EPB41L4B: variants seen among roughly 807,000 people sequenced by gnomAD.
The protein encoded by EPB41L4B is band 4.1-like protein 4B.
EPB41L4B carries 30 observed loss-of-function variants against 112.5 expected under a neutral mutation model. The ratio of observed to expected loss-of-function variants is 0.27; its 90% CI spans 0.20 to 0.36. The LOEUF is 0.36. Ranked by LOEUF, EPB41L4B falls within the 10% of genes least tolerant of loss-of-function variation. The pLI is 1.00. For synonymous variants in EPB41L4B, 408 were observed against 439.7 expected, an observed-to-expected ratio of 0.93 and a Z score of 0.90; for missense variants, 1,024 against 1,133.3, an observed-to-expected ratio of 0.90 and a Z score of 1.38.
chr9:109,246,537 A>G (rs1834565497), intron 14 of EPB41L4B, among the ~76,000 whole-genome samples: 1 of 152,230 alleles, frequency 6.6e-6, no homozygotes, highest in African/African-American at 2.4e-5. Context: ...ACGGGCAAAG[A>G]ATGGTGGGAA....
chr9:109,226,767 T>A (rs1001510002), intron 15 of EPB41L4B, among the ~76,000 whole-genome samples: 6 of 131,260 alleles, frequency 4.6e-5, no homozygotes, highest in Admixed American at 1.6e-4. Flanking sequence ...TATATATATA[T>A]GAATATATAT....
At chr9:109,316,641 G>A (rs1837646440) in intron 1 of EPB41L4B, among the ~76,000 whole-genome samples, 1 of 152,242 alleles carries the variant, frequency 6.6e-6, no homozygotes, top group Non-Finnish European at 1.5e-5. Context: ...GACTGGCTCA[G>A]GCTGGCACTC....
intron 25 of EPB41L4B, among the ~76,000 whole-genome samples, chr9:109,175,468 AAC>A (rs59210551): frequency 0.038 from 4,909 of 129,280 alleles, 117 homozygotes; most frequent in South Asian, 0.077. Flanking sequence ...CCACTGTTTA[AAC>A]ACACACACAC....
chr9:109,258,160 C>G lies in EPB41L4B; in HGVS notation c.752+17G>C, dbSNP rs200252386. On this transcript the variant is annotated intron_variant, in intron 7 of 25. Coordinates refer to ENST00000374566, the MANE Select transcript of EPB41L4B (RefSeq NM_019114.5). ...AAAATAGATACATCAGAATGCTAGA[C>G]GGTTGCATCAAGGTACCTGCACTCT... 3.1e-6 allele frequency: 5 copies of G among 1,607,008 alleles called. No homozygotes were observed. The highest frequency in any genetic ancestry group is 4.3e-6 in the Non-Finnish European group (5 of 1,175,002).
chr9:109,260,917 C>A (rs1835177129), intron 6 of EPB41L4B, among the ~76,000 whole-genome samples: 1 of 152,160 alleles, frequency 6.6e-6, no homozygotes, highest in Non-Finnish European at 1.5e-5. Flanking sequence ...ATCCTCTGAT[C>A]TTTCAGGACA....
At chr9:109,175,323 T>C (rs187555383) in intron 25 of EPB41L4B, among the ~76,000 whole-genome samples, 2 of 152,140 alleles carry the variant, frequency 1.3e-5, no homozygotes, top group East Asian at 1.9e-4. Context: ...TTGATGAATA[T>C]CTGAGGGAAT....
chr9:109,213,646 G>T, intron 17 of EPB41L4B, 54 bp downstream of exon 17: 1 of 1,462,324 alleles, frequency 6.8e-7, no homozygotes, highest in Non-Finnish European at 9.6e-7. Flanking sequence ...AGTAATCAGA[G>T]GTTTGATGTC....
At chr9:109,202,435 C>T (rs1434815082) in intron 19 of EPB41L4B, among the ~76,000 whole-genome samples, 1 of 152,214 alleles carries the variant, frequency 6.6e-6, no homozygotes, top group East Asian at 1.9e-4. Flanking sequence ...ACCCACCAAA[C>T]ACCCACCACA....
chr9:109,309,481 C>T (rs950322966), intron 1 of EPB41L4B, among the ~76,000 whole-genome samples: 16 of 152,112 alleles, frequency 1.1e-4, no homozygotes, highest in African/African-American at 3.6e-4. Context: ...GAACGGGATA[C>T]GGGAGACAAT....
intron 4 of EPB41L4B, among the ~76,000 whole-genome samples, chr9:109,265,572 G>A (rs866448503): frequency 2.9e-5 from 4 of 137,244 alleles, no homozygotes; most frequent in Admixed American, 7.3e-5. Flanking sequence ...ACACACACAC[G>A]AAACAAGAAA....
chr9:109,265,385 G>T (rs1210101203), intron 4 of EPB41L4B, among the ~76,000 whole-genome samples: 1 of 152,240 alleles, frequency 6.6e-6, no homozygotes, highest in Non-Finnish European at 1.5e-5. Context: ...GTGGGGCCGC[G>T]GGGTCTGGCT....
chr9:109,211,632 TTGTGTG>T (rs138857071), intron 17 of EPB41L4B, among the ~76,000 whole-genome samples: 3 of 151,040 alleles, frequency 2.0e-5, no homozygotes. Flanking sequence ...GTAATATATT[TTGTGTG>T]TGTGTGTGTC....
At position 109,192,448 on chromosome 9, in the gene EPB41L4B, C is replaced by G. The variant is rs1025501084; in HGVS notation, c.2224-93G>C. ...GACAGGCAGAGGTTCCCAGCCTCTC[C>G]TCTACACTGATCTCATTAGCAATGA... is the stretch of plus-strand genomic sequence containing the variant. On this transcript the variant is annotated intron_variant, in intron 21 of 25. Coordinates refer to ENST00000374566, the MANE Select transcript of EPB41L4B (RefSeq NM_019114.5). 4.8e-6 allele frequency: 4 copies of G among 833,548 alleles called. No individual in the cohort carries two copies. In the Admixed American group the frequency reaches 7.7e-5, roughly 16 times the overall value. The allele number at this position is 833,548 out of a possible 1,614,324, so 51.6% of individuals were successfully genotyped here.
intron 1 of EPB41L4B, among the ~76,000 whole-genome samples, chr9:109,298,435 T>G (rs551703951): frequency 6.6e-6 from 1 of 151,608 alleles, no homozygotes; most frequent in African/African-American, 2.4e-5. Context: ...TGCCTCAGCC[T>G]CCTGAGTAGC....
At chr9:109,187,862 C>T (rs977606728) in intron 22 of EPB41L4B, among the ~76,000 whole-genome samples, 1 of 152,160 alleles carries the variant, frequency 6.6e-6, no homozygotes, top group Non-Finnish European at 1.5e-5. Context: ...GTTGATCCAC[C>T]GCACAAGCCT....
intron 1 of EPB41L4B, among the ~76,000 whole-genome samples, chr9:109,315,818 A>C (rs1837613111): frequency 6.6e-6 from 1 of 152,190 alleles, no homozygotes; most frequent in African/African-American, 2.4e-5. Context: ...GCTGAAAAAA[A>C]CATCACTTTT....
At chr9:109,211,921 T>G (rs1588139883) in intron 17 of EPB41L4B, among the ~76,000 whole-genome samples, 1 of 150,968 alleles carries the variant, frequency 6.6e-6, no homozygotes, top group Non-Finnish European at 1.5e-5. Flanking sequence ...GGTCTCGCCA[T>G]GTTGCCCAGG....
intron 13 of EPB41L4B, among the ~76,000 whole-genome samples, chr9:109,249,134 G>A (rs1423323126): frequency 6.6e-6 from 1 of 151,524 alleles, no homozygotes; most frequent in African/African-American, 2.4e-5. Flanking sequence ...GCCAGGAGGT[G>A]TGCTTGAAAT....
At chr9:109,278,002 G>A (rs959030424) in intron 2 of EPB41L4B, among the ~76,000 whole-genome samples, 1 of 152,122 alleles carries the variant, frequency 6.6e-6, no homozygotes, top group Admixed American at 6.5e-5. Context: ...TATGTAGGAG[G>A]GCCAGTAACT....
Sources: gnomAD v4.1 joint callset for allele counts (sites outside exome capture counted in the v4.1 genomes callset) on GRCh38, gnomAD v4.1.1 for gene constraint, MANE v1.5 for transcripts, NCBI Gene and HGNC (gene_info 2026-07-23, HGNC 2026-07-21) for gene names.